Variants in GRIA2 observed in about 807,000 individuals in gnomAD.
The protein encoded by GRIA2 is glutamate receptor 2.
GRIA2 carries 14 observed loss-of-function variants against 97.3 expected under a neutral mutation model. That is an observed-to-expected ratio of 0.14 (90% confidence interval 0.10 to 0.23). The LOEUF (loss-of-function observed/expected upper bound fraction) is 0.23, where lower values mean the gene tolerates loss of function less well. Among genes scored for constraint, GRIA2 ranks in the 10% least tolerant of loss-of-function variants. The pLI is 1.00. For synonymous variants in GRIA2, 412 were observed against 387.8 expected (o/e 1.06, Z -0.73); for missense variants, 558 against 1,069.8 (o/e 0.52, Z 6.67).
Position 157,362,998 on chromosome 4 carries a change from A to G in GRIA2, c.2606A>G (p.Tyr869Cys). Residue 869 changes from tyrosine (Y) to cysteine (C), a missense_variant, in exon 15 of 16, where the codon TAT (tyrosine) becomes TGT (cysteine). Tyr to Cys is a radical substitution (Grantham distance 194). Around this residue, in one of 8 missense-constraint regions of GRIA2, gnomAD observed 54 missense variants for 82.1 expected, o/e 0.66. Coordinates refer to ENST00000264426, the MANE Select transcript of GRIA2 (RefSeq NM_001083619.3). ...CAGAATTCACAGAATTTTGCAACTTATAAGGAAGGTTACAACGTATATGGC... is the reference window on the plus strand; with the variant it reads ...CAGAATTCACAGAATTTTGCAACTTGTAAGGAAGGTTACAACGTATATGGC... The part of the protein sequence containing the change: ...SSQNSQNFAT[Y>C]KEGYNVYGIE... 1 of 1,613,388 alleles carries G rather than the reference A, an allele frequency of 6.2e-7. No individual in the cohort carries two copies. The highest frequency in any genetic ancestry group is 8.5e-7 in the Non-Finnish European group (1 of 1,179,478).
chr4:157,337,831 T>TA (rs1735355821), intron 11 of GRIA2, among the ~76,000 whole-genome samples: 1 of 151,282 alleles, frequency 6.6e-6, no homozygotes, highest in South Asian at 2.1e-4. Flanking sequence ...AGCTTACTTC[T>TA]CTGATAGTAG....
intron 2 of GRIA2, among the ~76,000 whole-genome samples, chr4:157,241,600 A>G (rs1490434219): frequency 1.1e-4 from 16 of 152,106 alleles, no homozygotes; most frequent in Admixed American, 1.0e-3. Context: ...CTGATATTGT[A>G]GCTTTAAACA....
chr4:157,290,364 A>G (rs1471808235), intron 2 of GRIA2, among the ~76,000 whole-genome samples: 1 of 151,886 alleles, frequency 6.6e-6, no homozygotes, highest in Non-Finnish European at 1.5e-5. Context: ...AGAGCATGAG[A>G]TGTGCTGAGT....
chr4:157,273,605 C>T (rs1204436702), intron 2 of GRIA2, among the ~76,000 whole-genome samples: 1 of 151,954 alleles, frequency 6.6e-6, no homozygotes, highest in African/African-American at 2.4e-5. Flanking sequence ...CCTTGAAAGG[C>T]TTGTTAATAG....
intron 6 of GRIA2, among the ~76,000 whole-genome samples, chr4:157,329,603 T>C (rs1734959719): frequency 6.6e-6 from 1 of 152,080 alleles, no homozygotes; most frequent in African/African-American, 2.4e-5. Flanking sequence ...AGAACCCTTT[T>C]GTGTGGAGTG....
chr4:157,357,254 A>C (rs1736425009), intron 12 of GRIA2, among the ~76,000 whole-genome samples: 1 of 152,220 alleles, frequency 6.6e-6, no homozygotes, highest in Admixed American at 6.5e-5. Context: ...CAAATTAGTA[A>C]ATGTCTTGTC....
intron 6 of GRIA2, among the ~76,000 whole-genome samples, chr4:157,327,384 A>T (rs1734850488): frequency 6.6e-6 from 1 of 152,162 alleles, no homozygotes; most frequent in Admixed American, 6.6e-5. Flanking sequence ...ACAGAAAAGC[A>T]ATGAGTTACT....
chr4:157,347,363 C>A (rs1735807277), intron 12 of GRIA2, among the ~76,000 whole-genome samples: 1 of 152,106 alleles, frequency 6.6e-6, no homozygotes, highest in South Asian at 2.1e-4. Flanking sequence ...ACCACTCTTG[C>A]CATACACTCG....
chr4:157,268,801 T>C (rs1392785459), intron 2 of GRIA2, among the ~76,000 whole-genome samples: 1 of 152,052 alleles, frequency 6.6e-6, no homozygotes, highest in Non-Finnish European at 1.5e-5. Context: ...ATATAAGTTA[T>C]CTTTTCTTGA....
At chr4:157,333,084 T>A (rs2126932674) in intron 7 of GRIA2, 98 bp downstream of exon 7, 4 of 1,026,922 alleles carry the variant, frequency 3.9e-6, no homozygotes, top group African/African-American at 3.2e-5. Context: ...TTGTGTCTAA[T>A]ATACAGGCAA....
At chr4:157,350,439 G>A (rs549299537) in intron 12 of GRIA2, among the ~76,000 whole-genome samples, 1 of 152,008 alleles carries the variant, frequency 6.6e-6, no homozygotes, top group South Asian at 2.1e-4. Flanking sequence ...GGGAACAGGT[G>A]GTGTTTGGTT....
intron 12 of GRIA2, among the ~76,000 whole-genome samples, chr4:157,352,684 C>T (rs557611635): frequency 5.6e-5 from 8 of 142,438 alleles, no homozygotes; most frequent in Admixed American, 3.6e-4. Context: ...CATGCCATTG[C>T]ACTCCAGCCT....
chr4:157,359,426 T>C (rs1736539527), intron 12 of GRIA2, among the ~76,000 whole-genome samples: 1 of 152,156 alleles, frequency 6.6e-6, no homozygotes, highest in Non-Finnish European at 1.5e-5. Context: ...CGTAATATTA[T>C]CTTTATTCCA....
At chr4:157,230,120 A>G (rs144736957) in intron 2 of GRIA2, among the ~76,000 whole-genome samples, 1 of 152,286 alleles carries the variant, frequency 6.6e-6, no homozygotes, top group East Asian at 1.9e-4. Flanking sequence ...ATAACTTGAT[A>G]TAAGAAAAGT....
chr4:157,302,964 A>G (rs1338978285), intron 2 of GRIA2, among the ~76,000 whole-genome samples: 1 of 152,188 alleles, frequency 6.6e-6, no homozygotes, highest in Non-Finnish European at 1.5e-5. Context: ...ATTAAAATGC[A>G]AAGTTTTGGA....
At chr4:157,290,223 A>G (rs1406219356) in intron 2 of GRIA2, among the ~76,000 whole-genome samples, 1 of 151,932 alleles carries the variant, frequency 6.6e-6, no homozygotes, top group Non-Finnish European at 1.5e-5. Context: ...AATACATAAT[A>G]CATCATACTA....
intron 3 of GRIA2, among the ~76,000 whole-genome samples, chr4:157,305,436 G>C (rs1733801645): frequency 6.6e-6 from 1 of 151,498 alleles, no homozygotes; most frequent in South Asian, 2.1e-4. Context: ...AATTTTTTTT[G>C]GACTGCATTA....
rs1733719008 is a variant in GRIA2, at chr4:157,303,751, T to C, written c.429T>C (p.Tyr143=). The C allele has an allele frequency of 1.2e-6, 2 of 1,613,706 alleles. No individual in the cohort carries two copies. Among genetic ancestry groups the C allele is most frequent in the African/African-American group, 2.7e-5 (2 of 74,928 alleles). The part of the protein sequence containing the change: ...KGALLSLIEY[Y]QWDKFAYLYD... ...CTCTCCTTAGCTTGATTGAATACTA[T>C]CAATGGGACAAGTTTGCATACCTCT... The change falls in exon 3 of 16, where the codon TAT becomes TAC. Residue 143 remains tyrosine (Y), a synonymous_variant. Transcript: ENST00000264426.
chr4:157,238,373 CTTGAAGACCCATTGG>C (rs1730346574), intron 2 of GRIA2, among the ~76,000 whole-genome samples: 1 of 152,038 alleles, frequency 6.6e-6, no homozygotes, highest in Non-Finnish European at 1.5e-5. Context: ...GAGCAAAGAC[CTTGAAGACCCATTGG>C]CTTTCCATGA....
Sources: gnomAD v4.1 joint callset for allele counts (sites outside exome capture counted in the v4.1 genomes callset) on GRCh38, gnomAD v4.1.1 for gene constraint, gnomAD v4.1.1 regional missense constraint, MANE v1.5 for transcripts, NCBI Gene and HGNC (gene_info 2026-07-23, HGNC 2026-07-21) for gene names.